ADCY8: variants seen among roughly 807,000 people sequenced by gnomAD.
ADCY8 encodes the protein adenylate cyclase type 8.
A neutral mutation model predicts 119.7 loss-of-function variants in ADCY8; 51 were observed. That is an observed-to-expected ratio of 0.43 (90% CI 0.34 to 0.54). The LOEUF (loss-of-function observed/expected upper bound fraction) is 0.54. Among genes scored for constraint, ADCY8 ranks in the 20% least tolerant of loss-of-function variants. The pLI, the probability that ADCY8 is intolerant of heterozygous loss-of-function variation, is 0.03. For missense variants in ADCY8, 1,383 were observed against 1,598.8 expected (o/e 0.87, Z 2.30); for synonymous variants, 665 against 651.0 (o/e 1.02, Z -0.33).
chr8:130,804,723 A>T (rs1815889292), intron 14 of ADCY8, among the ~76,000 whole-genome samples: 1 of 151,952 alleles, frequency 6.6e-6, no homozygotes. Flanking sequence ...GAATATTCTA[A>T]TGAATGCCAG....
At position 130,954,528 on chromosome 8, in the gene ADCY8, A is replaced by C. The variant is rs554455026; in HGVS notation, c.1111-2530T>G. 7.7e-3 allele frequency among the ~76,000 whole-genome samples: 1,172 copies of C among 152,272 alleles called. 19 individuals are homozygous for C. The highest frequency in any genetic ancestry group is 0.026 in the African/African-American group (1,085 of 41,546). On this transcript the variant is annotated intron_variant, in intron 2 of 17. Transcript: ENST00000286355. ...TTGGACTCTGAGAAAAATGGTCAAG[A>C]GGGTGGAGTTTTTAAAAACTCCTTA...
At chr8:130,930,480 T>C (rs1820600856) in intron 5 of ADCY8, among the ~76,000 whole-genome samples, 1 of 152,116 alleles carries the variant, frequency 6.6e-6, no homozygotes, top group Non-Finnish European at 1.5e-5. Context: ...GTCGATCCCC[T>C]GACCTCACGA....
chr8:130,900,995 C>G (rs1462835289), intron 7 of ADCY8, among the ~76,000 whole-genome samples: 2 of 152,152 alleles, frequency 1.3e-5, no homozygotes, highest in Admixed American at 1.3e-4. Context: ...GAAGTTCTAT[C>G]ATCGACGCAG....
At chr8:130,865,568 T>C (rs1818086513) in intron 9 of ADCY8, among the ~76,000 whole-genome samples, 1 of 152,160 alleles carries the variant, frequency 6.6e-6, no homozygotes, top group Non-Finnish European at 1.5e-5. Flanking sequence ...TATAATAGTA[T>C]AGTATTGCCA....
At position 130,870,491 on chromosome 8, in the gene ADCY8, T is replaced by C. The variant is rs1004293290; in HGVS notation, c.2110-2545A>G. Among the ~76,000 whole-genome samples the C allele has an allele frequency of 2.6e-5, 4 of 152,170 alleles. No homozygotes were observed. In the South Asian group the frequency reaches 6.2e-4, roughly 24 times the overall value. On this transcript the variant is annotated intron_variant, in intron 8 of 17. Coordinates refer to ENST00000286355, the MANE Select transcript of ADCY8 (RefSeq NM_001115.3). Reference sequence around the variant, plus strand: ...TCTGTTGATTATCATCCGATGACCTTCTCTGCTTTATCTGGGAAAGTGGGT... The same window carrying C: ...TCTGTTGATTATCATCCGATGACCTCCTCTGCTTTATCTGGGAAAGTGGGT...
chr8:130,820,067 A>G (rs1816460068), intron 13 of ADCY8, among the ~76,000 whole-genome samples: 1 of 152,184 alleles, frequency 6.6e-6, no homozygotes, highest in African/African-American at 2.4e-5. Flanking sequence ...CTTCCATTCC[A>G]GGTTGTTGAT....
rs909516761 is a variant in ADCY8 at position 131,019,236 on chromosome 8, G to T, written c.960+20138C>A. Among the ~76,000 whole-genome samples the T allele has an allele frequency of 3.3e-5, 5 of 152,208 alleles. 1 individual carries two copies. In the South Asian group the frequency reaches 8.3e-4, roughly 25 times the overall value. ...ACAACAAATGTTTTCTACAAGTAGAGTTGCCACATAAGCAACAAAATGAGA... is the reference window on the plus strand; with the variant it reads ...ACAACAAATGTTTTCTACAAGTAGATTTGCCACATAAGCAACAAAATGAGA... On this transcript the variant is annotated intron_variant, in intron 1 of 17. Coordinates refer to ENST00000286355, the MANE Select transcript of ADCY8 (RefSeq NM_001115.3).
rs80242282 is a variant in ADCY8 at position 130,876,201 on chromosome 8, C to T, written c.2110-8255G>A. ...GAGTAGCTGGGATTACAGGTGTGTGCCACCACACCTGGCTAATATTTGTAT... is the reference window on the plus strand; with the variant it reads ...GAGTAGCTGGGATTACAGGTGTGTGTCACCACACCTGGCTAATATTTGTAT... On this transcript the variant is annotated intron_variant, in intron 8 of 17. Transcript: ENST00000286355. 2.3e-3 allele frequency among the ~76,000 whole-genome samples: 347 copies of T among 152,170 alleles called. 8 individuals are homozygous for T. In the South Asian group the frequency reaches 0.037, roughly 16 times the overall value.
chr8:130,794,315 G>T (rs1390188174), intron 15 of ADCY8, among the ~76,000 whole-genome samples: 1 of 152,142 alleles, frequency 6.6e-6, no homozygotes, highest in Non-Finnish European at 1.5e-5. Flanking sequence ...TGCGATCTCG[G>T]CTCACTGCAA....
At chr8:131,037,605 T>C (rs1451754792) in intron 1 of ADCY8, among the ~76,000 whole-genome samples, 2 of 151,704 alleles carry the variant, frequency 1.3e-5, no homozygotes, top group East Asian at 3.9e-4. Flanking sequence ...TGCTTTATCG[T>C]GAAAACAACT....
At chr8:130,919,187 A>T (rs1218002159) in intron 5 of ADCY8, among the ~76,000 whole-genome samples, 2 of 152,182 alleles carry the variant, frequency 1.3e-5, no homozygotes, top group African/African-American at 4.8e-5. Flanking sequence ...CCGAAACTTC[A>T]TCTACCCTTT....
At chr8:130,970,733 G>A (rs1309829532) in intron 2 of ADCY8, among the ~76,000 whole-genome samples, 1 of 152,144 alleles carries the variant, frequency 6.6e-6, no homozygotes, top group African/African-American at 2.4e-5. Context: ...GCCATTGGGG[G>A]TGTTTCCTCA....
intron 8 of ADCY8, among the ~76,000 whole-genome samples, chr8:130,880,175 C>G (rs1468169583): frequency 6.6e-6 from 1 of 152,058 alleles, no homozygotes; most frequent in Non-Finnish European, 1.5e-5. Flanking sequence ...GTAAATTGCC[C>G]CATCTTAGGT....
intron 7 of ADCY8, among the ~76,000 whole-genome samples, chr8:130,899,806 C>G (rs7829177): frequency 0.49 from 73,999 of 151,952 alleles, 19,109 homozygotes; most frequent in East Asian, 0.63. Flanking sequence ...GGATCCTGTT[C>G]TTATCTTCCT....
intron 5 of ADCY8, among the ~76,000 whole-genome samples, chr8:130,912,878 C>A (rs1177609078): frequency 1.3e-5 from 2 of 151,966 alleles, no homozygotes; most frequent in Non-Finnish European, 2.9e-5. Flanking sequence ...ATTGACAAGG[C>A]AAGAGAAGAA....
chr8:130,816,850 T>A (rs1816363006), intron 13 of ADCY8, among the ~76,000 whole-genome samples: 1 of 152,224 alleles, frequency 6.6e-6, no homozygotes, highest in Non-Finnish European at 1.5e-5. Context: ...AGAATTTAAA[T>A]TTCTTTAATT....
At chr8:130,901,579 A>G (rs1819604941) in intron 7 of ADCY8, among the ~76,000 whole-genome samples, 1 of 152,150 alleles carries the variant, frequency 6.6e-6, no homozygotes, top group Non-Finnish European at 1.5e-5. Flanking sequence ...ACCAGTCTTG[A>G]TCTCTTCCAG....
intron 2 of ADCY8, among the ~76,000 whole-genome samples, chr8:130,967,335 A>T (rs1821792926): frequency 6.6e-6 from 1 of 152,212 alleles, no homozygotes; most frequent in African/African-American, 2.4e-5. Context: ...GCTCAGAAAT[A>T]TTAAGACTGC....
At chr8:130,923,127 A>G (rs970762570) in intron 5 of ADCY8, among the ~76,000 whole-genome samples, 3 of 152,216 alleles carry the variant, frequency 2.0e-5, no homozygotes, top group Admixed American at 1.3e-4. Flanking sequence ...TAATTGAAGC[A>G]GGCTTATGAG....
Sources: allele counts gnomAD v4.1 joint callset (sites outside exome capture counted in the v4.1 genomes callset), GRCh38; gene constraint gnomAD v4.1.1; transcripts MANE v1.5; gene names NCBI Gene and HGNC (gene_info 2026-07-23, HGNC 2026-07-21).